C12orf42: variants seen among roughly 807,000 people sequenced by gnomAD.
C12orf42 encodes the protein chromosome 12 open reading frame 42, also known as uncharacterized protein C12orf42.
C12orf42 carries 25 observed loss-of-function variants against 21.6 expected under a neutral mutation model. That is an observed-to-expected ratio of 1.16 (90% CI 0.84 to 1.62). The LOEUF is 1.62. Ranked by LOEUF, C12orf42 falls within the 40% of genes most tolerant of loss-of-function variation. C12orf42 has a pLI of 0.00. For missense variants in C12orf42, 483 were observed against 459.3 expected (o/e 1.05, Z -0.47); for synonymous variants, 174 against 175.0 (o/e 0.99, Z 0.05).
the C12orf42 span, among the ~76,000 whole-genome samples, chr12:103,053,926 T>C: frequency 2.0e-5 from 3 of 152,020 alleles, no homozygotes; most frequent in Admixed American, 1.3e-4. Flanking sequence ...CTATTTATTG[T>C]TTTCAAAATT....
intron 4 of C12orf42, among the ~76,000 whole-genome samples, chr12:103,295,394 A>G (rs530379274): frequency 3.3e-5 from 5 of 151,644 alleles, no homozygotes; most frequent in Admixed American, 3.3e-4. Context: ...TAGTTTGTAA[A>G]TTCATCAACT....
chr12:103,212,557 A>G, the C12orf42 span, among the ~76,000 whole-genome samples: 1 of 152,064 alleles, frequency 6.6e-6, no homozygotes, highest in Non-Finnish European at 1.5e-5. Context: ...GGGCAAAACT[A>G]TTTCATGGAT....
chr12:103,049,785 C>T, the C12orf42 span, among the ~76,000 whole-genome samples: 1 of 152,186 alleles, frequency 6.6e-6, no homozygotes, highest in Non-Finnish European at 1.5e-5. Context: ...ACCAGAATGC[C>T]TTTCCCCTAG....
chr12:103,133,362 A>G, the C12orf42 span, among the ~76,000 whole-genome samples: 1 of 152,114 alleles, frequency 6.6e-6, no homozygotes, highest in African/African-American at 2.4e-5. Flanking sequence ...TATTGTTACT[A>G]CTGGCACCTA....
the C12orf42 span, among the ~76,000 whole-genome samples, chr12:103,547,470 T>C: frequency 6.6e-6 from 1 of 152,228 alleles, no homozygotes; most frequent in African/African-American, 2.4e-5. Flanking sequence ...TTAAATGTCT[T>C]ACATGGAAAT....
the C12orf42 span, among the ~76,000 whole-genome samples, chr12:103,216,671 A>G: frequency 6.6e-6 from 1 of 151,908 alleles, no homozygotes; most frequent in Non-Finnish European, 1.5e-5. Context: ...TACTTTTTTA[A>G]GATCATTGAA....
intron 5 of C12orf42, among the ~76,000 whole-genome samples, chr12:103,274,525 C>A (rs1263945123): frequency 6.6e-6 from 1 of 152,172 alleles, no homozygotes; most frequent in Non-Finnish European, 1.5e-5. Flanking sequence ...ATAGATCATT[C>A]CTCACTTGTT....
the C12orf42 span, among the ~76,000 whole-genome samples, chr12:103,510,607 A>T: frequency 6.6e-6 from 1 of 152,202 alleles, no homozygotes; most frequent in Non-Finnish European, 1.5e-5. Flanking sequence ...GAAACCAGGG[A>T]ATTCTGCCAC....
chr12:103,118,730 A>G, the C12orf42 span, among the ~76,000 whole-genome samples: 2,523 of 134,604 alleles, frequency 0.019, 39 homozygotes, highest in African/African-American at 0.047. Context: ...CCCGGAAGGC[A>G]GAGCTTGCAG....
chr12:103,252,641 G>A (rs2034367460), intron 10 of C12orf42, among the ~76,000 whole-genome samples: 1 of 152,072 alleles, frequency 6.6e-6, no homozygotes, highest in African/African-American at 2.4e-5. Flanking sequence ...TGATGGGGTT[G>A]TTTGTTTTTT....
rs532078777 is a variant in C12orf42, at chr12:103,464,118, T to C, written c.78+14231A>G. Among the ~76,000 whole-genome samples the C allele has an allele frequency of 3.9e-5, 6 of 152,312 alleles. No homozygotes were observed. In the East Asian group the frequency reaches 1.2e-3, roughly 29 times the overall value. On this transcript the variant is annotated intron_variant, in intron 2 of 5. Transcript: ENST00000548883. Reference sequence around the variant, plus strand: ...AATGAGATTGCTGGGTCAAATGGTATTTCTGGCTCTAGGTCTTTGAGGAAT... The same window carrying C: ...AATGAGATTGCTGGGTCAAATGGTACTTCTGGCTCTAGGTCTTTGAGGAAT...
intron 10 of C12orf42, among the ~76,000 whole-genome samples, chr12:103,256,353 A>G (rs1313962993): frequency 6.6e-6 from 1 of 151,700 alleles, no homozygotes; most frequent in Admixed American, 6.6e-5. Context: ...AGCAAAACCA[A>G]AAGTCTAGGA....
At chr12:103,539,277 A>G in the C12orf42 span, among the ~76,000 whole-genome samples, 5 of 152,136 alleles carry the variant, frequency 3.3e-5, no homozygotes, top group African/African-American at 7.2e-5. Flanking sequence ...CTAGACATAT[A>G]TCTGTGCATG....
chr12:103,179,294 A>G, the C12orf42 span, among the ~76,000 whole-genome samples: 1 of 152,240 alleles, frequency 6.6e-6, no homozygotes, highest in Non-Finnish European at 1.5e-5. Flanking sequence ...TTTTAAAGTA[A>G]TGTCATGAAA....
intron 4 of C12orf42, among the ~76,000 whole-genome samples, chr12:103,325,161 AC>A (rs975534984): frequency 6.6e-6 from 1 of 152,132 alleles, no homozygotes; most frequent in African/African-American, 2.4e-5. Flanking sequence ...CTCTGGGACC[AC>A]CCTTTTGGGG....
At chr12:103,528,637 C>T in the C12orf42 span, among the ~76,000 whole-genome samples, 2 of 152,192 alleles carry the variant, frequency 1.3e-5, no homozygotes, top group African/African-American at 2.4e-5. Context: ...TGCCAGCTCC[C>T]CTTCGCCTTC....
chr12:103,489,791 C>T (rs1955073022), intron 1 of C12orf42, among the ~76,000 whole-genome samples: 1 of 152,208 alleles, frequency 6.6e-6, no homozygotes, highest in African/African-American at 2.4e-5. Flanking sequence ...CTGCCGGTTG[C>T]TAAGACTATC....
intron 2 of C12orf42, among the ~76,000 whole-genome samples, chr12:103,474,451 T>TGTATGTAC (rs1204575886): frequency 3.8e-5 from 5 of 131,876 alleles, no homozygotes; most frequent in Non-Finnish European, 4.9e-5. Flanking sequence ...CATGTATGTA[T>TGTATGTAC]GTATGTGTGT....
chr12:103,526,802 A>G, the C12orf42 span, among the ~76,000 whole-genome samples: 8 of 152,334 alleles, frequency 5.3e-5, 1 homozygote, highest in South Asian at 1.2e-3. Context: ...TGGCATTTCA[A>G]TCTGGGACTG....
Sources: allele counts gnomAD v4.1 joint callset (sites outside exome capture counted in the v4.1 genomes callset), GRCh38; gene constraint gnomAD v4.1.1; transcripts MANE v1.5; gene names NCBI Gene and HGNC (gene_info 2026-07-23, HGNC 2026-07-21).